The following FLT3 variants were observed in gnomAD, a reference collection of about 807,000 sequenced individuals.
The protein encoded by FLT3 is receptor-type tyrosine-protein kinase FLT3.
A neutral mutation model predicts 126.6 loss-of-function variants in FLT3; 46 were observed. The ratio of observed to expected loss-of-function variants is 0.36; its 90% confidence interval spans 0.29 to 0.46. The LOEUF is 0.46. Ranked by LOEUF, FLT3 falls within the 20% of genes least tolerant of loss-of-function variation. FLT3 has a pLI of 1.00. For missense variants in FLT3, 1,069 were observed against 1,190.3 expected, an observed-to-expected ratio of 0.90 and a Z score of 1.50; for synonymous variants, 404 against 434.4, an observed-to-expected ratio of 0.93 and a Z score of 0.87.
chr13:28,043,268 T>C (rs1343749337), intron 9 of FLT3, among the ~76,000 whole-genome samples: 1 of 152,054 alleles, frequency 6.6e-6, no homozygotes, highest in Non-Finnish European at 1.5e-5. Flanking sequence ...GATAGGAAAT[T>C]ATACAAACTA....
chr13:28,038,016 G>A (rs566481013), intron 9 of FLT3, among the ~76,000 whole-genome samples: 21 of 152,306 alleles, frequency 1.4e-4, no homozygotes, highest in African/African-American at 3.6e-4. Context: ...TGCCAAAAAC[G>A]TTGGGGACTG....
At chr13:28,061,642 C>T (rs536885523) in intron 3 of FLT3, among the ~76,000 whole-genome samples, 7 of 151,834 alleles carry the variant, frequency 4.6e-5, no homozygotes, top group South Asian at 2.1e-4. Context: ...TGGTGGCACG[C>T]GCCTGTAGTC....
chr13:28,026,223 G>A (rs1391662097), intron 17 of FLT3, among the ~76,000 whole-genome samples: 7 of 151,878 alleles, frequency 4.6e-5, no homozygotes, highest in Non-Finnish European at 8.8e-5. Context: ...GGTGGCACAT[G>A]CCTGTAATCT....
At chr13:28,043,483 G>T (rs1024993979) in intron 9 of FLT3, among the ~76,000 whole-genome samples, 1 of 152,046 alleles carries the variant, frequency 6.6e-6, no homozygotes, top group Non-Finnish European at 1.5e-5. Context: ...TTTTTTCAGG[G>T]GTAGTGTTAT....
At chr13:28,040,353 A>AC (rs1874236557) in intron 9 of FLT3, among the ~76,000 whole-genome samples, 1 of 85,858 alleles carries the variant, frequency 1.2e-5, no homozygotes, top group Non-Finnish European at 3.2e-5. Flanking sequence ...TAGAGGCACC[A>AC]GAAAAAAAGA....
At chr13:28,091,934 G>A (rs1254922219) in intron 1 of FLT3, among the ~76,000 whole-genome samples, 1 of 152,096 alleles carries the variant, frequency 6.6e-6, no homozygotes, top group Non-Finnish European at 1.5e-5. Context: ...GCCAGGCGTG[G>A]TGGACAGCAC....
intron 1 of FLT3, among the ~76,000 whole-genome samples, chr13:28,099,744 CTA>C (rs1295025235): frequency 6.6e-6 from 1 of 152,004 alleles, no homozygotes; most frequent in Non-Finnish European, 1.5e-5. Flanking sequence ...TCAATAACAA[CTA>C]TGCTACCCAG....
At position 28,018,600 on chromosome 13, in the gene FLT3, T is replaced by A. The variant is rs1411675500; in HGVS notation, c.2419-11A>T. Reference sequence around the variant, plus strand: ...GTCTCTGTGAACACACTGTCAAGAATGACACCAGAGTGTTATTTACTGTGA... The same window carrying A: ...GTCTCTGTGAACACACTGTCAAGAAAGACACCAGAGTGTTATTTACTGTGA... On this transcript the variant is annotated splice_polypyrimidine_tract_variant and intron_variant, in intron 19 of 23. Coordinates refer to ENST00000241453, the MANE Select transcript of FLT3 (RefSeq NM_004119.3). 3 of 1,613,794 alleles carry A rather than the reference T, an allele frequency of 1.9e-6. No homozygotes were observed. Among genetic ancestry groups the A allele is most frequent in the Non-Finnish European group, 2.5e-6 (3 of 1,179,844 alleles).
chr13:28,036,059 T>C lies in FLT3; in HGVS notation c.1310-16A>G. 5 of 1,604,846 alleles carry C rather than the reference T, an allele frequency of 3.1e-6. No individual in the cohort carries two copies. Among genetic ancestry groups the C allele is most frequent in the Non-Finnish European group, 4.3e-6 (5 of 1,171,538 alleles). On this transcript the variant is annotated splice_polypyrimidine_tract_variant and intron_variant, in intron 10 of 23. Coordinates refer to ENST00000241453, the MANE Select transcript of FLT3 (RefSeq NM_004119.3). ...TGAGGTTTCCCTATAGAAAAGAACG[T>C]GTGAAATAAGCTCACTGGCTGGGCA...
chr13:28,065,208 A>G (rs1235632866), intron 2 of FLT3, among the ~76,000 whole-genome samples: 2 of 152,238 alleles, frequency 1.3e-5, no homozygotes, highest in African/African-American at 2.4e-5. Context: ...GGATTGGTTA[A>G]TTACAGGGAT....
chr13:28,095,086 A>G (rs1879370844), intron 1 of FLT3, among the ~76,000 whole-genome samples: 1 of 152,186 alleles, frequency 6.6e-6, no homozygotes, highest in Non-Finnish European at 1.5e-5. Flanking sequence ...TAAGATCACA[A>G]AGTCTCCTGA....
At position 28,037,467 on chromosome 13, in the gene FLT3, C is replaced by G. The variant is rs140446761; in HGVS notation, c.1206-179G>C. On this transcript the variant is annotated intron_variant, in intron 9 of 23. Transcript: ENST00000241453. The stretch of plus-strand genomic sequence containing the variant: ...ACTCAAAGTGTGGTCCACAGACAGG[C>G]AGCATCAACATCGCCATTGGTATCA... Among the ~76,000 whole-genome samples the G allele has an allele frequency of 3.1e-3, 476 of 152,288 alleles. 6 individuals carry two copies. The highest frequency in any genetic ancestry group is 0.011 in the African/African-American group (457 of 41,546).
intron 9 of FLT3, among the ~76,000 whole-genome samples, chr13:28,041,163 G>A (rs1874344015): frequency 2.0e-5 from 3 of 152,170 alleles, no homozygotes; most frequent in African/African-American, 4.8e-5. Flanking sequence ...GAGGAGAAGA[G>A]GAAACAGAGC....
chr13:28,014,152 G>A (rs774184907), intron 23 of FLT3, among the ~76,000 whole-genome samples: 2 of 152,008 alleles, frequency 1.3e-5, no homozygotes, highest in Non-Finnish European at 2.9e-5. Context: ...CCCTCCCATG[G>A]TCCTAGCTAC....
chr13:28,059,268 T>C (rs1395493875), intron 3 of FLT3, among the ~76,000 whole-genome samples: 1 of 152,194 alleles, frequency 6.6e-6, no homozygotes, highest in Non-Finnish European at 1.5e-5. Context: ...ATTTGGGTAC[T>C]GTTTACTACA....
intron 1 of FLT3, among the ~76,000 whole-genome samples, chr13:28,098,314 C>CA (rs55675449): frequency 0.054 from 4,583 of 84,936 alleles, 165 homozygotes; most frequent in Non-Finnish European, 0.068. Flanking sequence ...GACTCCGTCT[C>CA]AAAAAAAAAA....
chr13:28,026,388 C>T (rs1283584829), intron 17 of FLT3, among the ~76,000 whole-genome samples: 1 of 148,926 alleles, frequency 6.7e-6, no homozygotes, highest in East Asian at 2.0e-4. Flanking sequence ...TGCTCCAAGG[C>T]TCAACGAATG....
rs762424747 is a variant in FLT3 at position 28,049,434 on chromosome 13, G to A, written c.986C>T (p.Thr329Ile). 6.2e-7 allele frequency: 1 copy of A among 1,614,104 alleles called. No individual in the cohort carries two copies. Among genetic ancestry groups the A allele is most frequent in the South Asian group, 1.1e-5 (1 of 91,084 alleles). ...ACTGGGATGCTTTGAAGAGGAACAAGTGTAGTATCCGGTGTCGTTTCTTGC... is the reference window on the plus strand; with the variant it reads ...ACTGGGATGCTTTGAAGAGGAACAAATGTAGTATCCGGTGTCGTTTCTTGC... Reference protein sequence around the residue: ...SVARNDTGYYTCSSSKHPSQS... With the variant: ...SVARNDTGYYICSSSKHPSQS... The change falls in exon 8 of 24, where the codon ACT becomes ATT. Residue 329 changes from threonine (T) to isoleucine (I), a missense_variant. Transcript: ENST00000241453.
chr13:28,097,692 A>C (rs1441844034), intron 1 of FLT3, among the ~76,000 whole-genome samples: 1 of 152,202 alleles, frequency 6.6e-6, no homozygotes, highest in African/African-American at 2.4e-5. Flanking sequence ...GTCTGGGCTC[A>C]CATCCAATCC....
Sources: allele counts gnomAD v4.1 joint callset (sites outside exome capture counted in the v4.1 genomes callset), GRCh38; gene constraint gnomAD v4.1.1; transcripts MANE v1.5; gene names NCBI Gene and HGNC (gene_info 2026-07-23, HGNC 2026-07-21).